The following PDE8B variants were observed in gnomAD, a reference collection of about 807,000 sequenced individuals.
The protein encoded by PDE8B is high affinity cAMP-specific and IBMX-insensitive 3',5'-cyclic phosphodiesterase 8B.
In PDE8B, 26 loss-of-function variants were observed where a neutral mutation model predicts 101.3. The ratio of observed to expected loss-of-function variants is 0.26; its 90% CI spans 0.19 to 0.36. PDE8B has a LOEUF of 0.36. Ranked by LOEUF, PDE8B falls within the 10% of genes least tolerant of loss-of-function variation. PDE8B has a pLI of 1.00. For missense variants in PDE8B, 810 were observed against 1,163.1 expected, an observed-to-expected ratio of 0.70 and a Z score of 4.42; for synonymous variants, 424 against 429.3, an observed-to-expected ratio of 0.99 and a Z score of 0.15.
the PDE8B span, among the ~76,000 whole-genome samples, chr5:77,152,336 A>G: frequency 6.6e-6 from 1 of 152,196 alleles, no homozygotes; most frequent in Non-Finnish European, 1.5e-5. Flanking sequence ...GACATTTTTT[A>G]TCAACTGAAA....
the PDE8B span, among the ~76,000 whole-genome samples, chr5:77,199,748 T>G: frequency 6.6e-6 from 1 of 152,084 alleles, no homozygotes; most frequent in African/African-American, 2.4e-5. Context: ...TGTTGAAAGA[T>G]TTCATATCTA....
chr5:77,163,187 A>G, the PDE8B span, among the ~76,000 whole-genome samples: 3 of 152,234 alleles, frequency 2.0e-5, no homozygotes, highest in Admixed American at 6.5e-5. Flanking sequence ...CAGAAATAAA[A>G]TTATGAAAAC....
At chr5:77,166,062 G>A in the PDE8B span, among the ~76,000 whole-genome samples, 3 of 151,518 alleles carry the variant, frequency 2.0e-5, no homozygotes, top group Non-Finnish European at 4.4e-5. Flanking sequence ...ATCATAGAAG[G>A]TTCTGGAAGC....
chr5:77,099,248 A>G, the PDE8B span, among the ~76,000 whole-genome samples: 1 of 152,162 alleles, frequency 6.6e-6, no homozygotes, highest in Non-Finnish European at 1.5e-5. Flanking sequence ...TAGGCAAGAG[A>G]GTTACATGGT....
At position 77,428,216 on chromosome 5, in the gene PDE8B, T is replaced by C. The variant is rs1042744613; in HGVS notation, c.*1662T>C. 1 of 152,222 alleles carries C rather than the reference T, an allele frequency of 6.6e-6. No individual in the cohort carries two copies. Among genetic ancestry groups the C allele is most frequent in the Non-Finnish European group, 1.5e-5 (1 of 68,034 alleles). 9.4% of individuals were successfully genotyped at this position (152,222 alleles called of 1,614,324 possible). On this transcript the variant is annotated 3_prime_UTR_variant, in exon 22 of 22. Coordinates refer to ENST00000264917, the MANE Select transcript of PDE8B (RefSeq NM_003719.5). ...CCATTTTTCACTCCCAACAGCTGTT[T>C]TTATTTTACCTCTTTGGCCTAAAGT... is the stretch of plus-strand genomic sequence containing the variant.
chr5:77,250,149 T>C (rs142636471), intron 1 of PDE8B, among the ~76,000 whole-genome samples: 51 of 152,364 alleles, frequency 3.3e-4, no homozygotes, highest in African/African-American at 1.2e-3. Flanking sequence ...GCTTACTCCA[T>C]GTCAGGCTCT....
chr5:77,230,237 T>G (rs557397604), intron 1 of PDE8B, among the ~76,000 whole-genome samples: 1 of 152,210 alleles, frequency 6.6e-6, no homozygotes, highest in Non-Finnish European at 1.5e-5. Context: ...AATCTCAACA[T>G]GAACTTGGGT....
At chr5:77,275,531 G>T (rs553947170) in intron 1 of PDE8B, among the ~76,000 whole-genome samples, 1 of 152,322 alleles carries the variant, frequency 6.6e-6, no homozygotes, top group South Asian at 2.1e-4. Context: ...TGTAGACAAG[G>T]CTATGAATGT....
chr5:77,411,587 A>G, intron 14 of PDE8B, 89 bp from the exon 15 acceptor site: 3 of 1,087,874 alleles, frequency 2.8e-6, no homozygotes, highest in Non-Finnish European at 4.2e-6. Flanking sequence ...GTTATTCAGG[A>G]TTCAAATCTC....
intron 10 of PDE8B, among the ~76,000 whole-genome samples, chr5:77,395,776 T>G (rs1215061677): frequency 7.0e-6 from 1 of 142,460 alleles, no homozygotes; most frequent in Admixed American, 7.0e-5. Flanking sequence ...CCACAGCATT[T>G]ACCATGACCT....
chr5:77,339,436 C>T (rs557116332), intron 6 of PDE8B, among the ~76,000 whole-genome samples: 4 of 152,224 alleles, frequency 2.6e-5, no homozygotes, highest in African/African-American at 9.6e-5. Flanking sequence ...CAAGTTATCG[C>T]CCTTTTGGGT....
At chr5:77,294,787 A>G (rs1768147457) in intron 1 of PDE8B, among the ~76,000 whole-genome samples, 1 of 149,968 alleles carries the variant, frequency 6.7e-6, no homozygotes, top group Non-Finnish European at 1.5e-5. Flanking sequence ...ACAAGAAACT[A>G]TTTGAGAAGT....
At chr5:77,127,543 C>T in the PDE8B span, among the ~76,000 whole-genome samples, 2 of 151,994 alleles carry the variant, frequency 1.3e-5, no homozygotes, top group Non-Finnish European at 2.9e-5. Context: ...CAGTCTAATA[C>T]CCCAGGTCCT....
At chr5:77,148,651 A>G in the PDE8B span, 1 of 152,204 alleles carries the variant, frequency 6.6e-6, no homozygotes, top group African/African-American at 2.4e-5. Flanking sequence ...ATCTTTGCAT[A>G]TGCTTGTTAG....
intron 1 of PDE8B, among the ~76,000 whole-genome samples, chr5:77,286,350 C>G (rs1766013163): frequency 6.6e-6 from 1 of 152,190 alleles, no homozygotes; most frequent in African/African-American, 2.4e-5. Flanking sequence ...TAGGTTCCCT[C>G]CTCATTCTCT....
intron 10 of PDE8B, among the ~76,000 whole-genome samples, chr5:77,381,847 C>T (rs1366219311): frequency 2.6e-5 from 4 of 152,090 alleles, no homozygotes; most frequent in Non-Finnish European, 4.4e-5. Flanking sequence ...TAAATAGTTA[C>T]CTAAGTAGGT....
chr5:77,234,456 A>G (rs1754268393), intron 1 of PDE8B, among the ~76,000 whole-genome samples: 2 of 152,060 alleles, frequency 1.3e-5, no homozygotes. Context: ...ACTCATACAC[A>G]TGAGGTTGTA....
chr5:77,291,500 G>A (rs1228603494), intron 1 of PDE8B: 1 of 1,609,276 alleles, frequency 6.2e-7, no homozygotes, highest in African/African-American at 1.3e-5. Flanking sequence ...TTAAATTCAA[G>A]AATGAAGAAG....
chr5:77,219,747 G>A (rs1750670392), intron 1 of PDE8B, among the ~76,000 whole-genome samples: 1 of 152,138 alleles, frequency 6.6e-6, no homozygotes. Flanking sequence ...CGAGAAATGG[G>A]GTCTCTGCAA....
Sources: allele counts gnomAD v4.1 joint callset (sites outside exome capture counted in the v4.1 genomes callset), GRCh38; gene constraint gnomAD v4.1.1; transcripts MANE v1.5; gene names NCBI Gene and HGNC (gene_info 2026-07-23, HGNC 2026-07-21).